Variants in RAB38 observed in about 807,000 individuals in gnomAD.
RAB38 encodes ras-related protein Rab-38.
In RAB38, 15 loss-of-function variants were observed where a neutral mutation model predicts 18.4. The observed-to-expected ratio is 0.82, with a 90% CI of 0.55 to 1.26. The LOEUF (loss-of-function observed/expected upper bound fraction) is 1.26. RAB38 is among the 50% of genes most tolerant of loss of function. RAB38 has a pLI of 0.00. For synonymous variants in RAB38, 101 were observed against 104.4 expected, an observed-to-expected ratio of 0.97 and a Z score of 0.20; for missense variants, 294 against 267.4, an observed-to-expected ratio of 1.10 and a Z score of -0.69.
At chr11:87,954,002 G>T in the RAB38 span, among the ~76,000 whole-genome samples, 1 of 152,124 alleles carries the variant, frequency 6.6e-6, no homozygotes, top group Middle Eastern at 3.2e-3. Context: ...AGGAGGAAAT[G>T]ATATGAGCAA....
chr11:87,818,483 T>A, the RAB38 span, among the ~76,000 whole-genome samples: 1 of 152,092 alleles, frequency 6.6e-6, no homozygotes, highest in African/African-American at 2.4e-5. Context: ...GTAAGTACCC[T>A]GAAGTTACAT....
chr11:88,166,222 T>C (rs556389157), intron 1 of RAB38: 1 of 152,164 alleles, frequency 6.6e-6, no homozygotes, highest in Non-Finnish European at 1.5e-5. Context: ...AAAATGATAT[T>C]AGAAATGCTA....
chr11:88,078,856 A>T, the RAB38 span, among the ~76,000 whole-genome samples: 6 of 152,106 alleles, frequency 3.9e-5, no homozygotes, highest in East Asian at 5.8e-4. Flanking sequence ...TGTATATTTT[A>T]AAATAGCCAG....
chr11:88,120,278 G>T (rs887012307), intron 2 of RAB38, among the ~76,000 whole-genome samples: 5 of 152,180 alleles, frequency 3.3e-5, no homozygotes, highest in African/African-American at 1.2e-4. Flanking sequence ...TGTGTGCAAG[G>T]TCTCAGGGAT....
chr11:88,051,139 C>A, the RAB38 span, among the ~76,000 whole-genome samples: 1 of 152,068 alleles, frequency 6.6e-6, no homozygotes, highest in African/African-American at 2.4e-5. Flanking sequence ...CTCTTAATTT[C>A]TGTACCCAAG....
chr11:87,826,686 A>G, the RAB38 span, among the ~76,000 whole-genome samples: 37 of 152,148 alleles, frequency 2.4e-4, no homozygotes, highest in African/African-American at 8.9e-4. Flanking sequence ...ATAAATCTCA[A>G]TTATACAGAG....
At position 88,175,173 on chromosome 11, in the gene RAB38, C is replaced by T. The variant is rs74772715; in HGVS notation, c.202+10G>A. ...GCTCTATCCCCCTGACCCCCTCCCC[C>T]CGCGCTCACCTGCGATATCCCAGAG... is the stretch of plus-strand genomic sequence containing the variant. On this transcript the variant is annotated intron_variant, in intron 1 of 2. Coordinates refer to ENST00000243662, the MANE Select transcript of RAB38 (RefSeq NM_022337.3). The T allele has an allele frequency of 3.8e-6, 6 of 1,587,828 alleles. No homozygotes were observed. Among genetic ancestry groups the T allele is most frequent in the South Asian group, 1.1e-5 (1 of 87,928 alleles).
chr11:88,040,226 AGATC>A, the RAB38 span, among the ~76,000 whole-genome samples: 2 of 152,198 alleles, frequency 1.3e-5, no homozygotes. Context: ...TAGAAGTTAG[AGATC>A]AGAGTATCAA....
At chr11:88,057,035 C>T in the RAB38 span, among the ~76,000 whole-genome samples, 1 of 152,134 alleles carries the variant, frequency 6.6e-6, no homozygotes, top group African/African-American at 2.4e-5. Flanking sequence ...ACAAGACTGA[C>T]CTGATCCCTT....
intron 2 of RAB38, among the ~76,000 whole-genome samples, chr11:88,124,177 A>T (rs1942663691): frequency 6.6e-6 from 1 of 152,092 alleles, no homozygotes; most frequent in Admixed American, 6.6e-5. Context: ...TGGATTGTCA[A>T]TGATACTAGG....
chr11:87,930,745 A>C, the RAB38 span, among the ~76,000 whole-genome samples: 1 of 152,156 alleles, frequency 6.6e-6, no homozygotes, highest in African/African-American at 2.4e-5. Context: ...TTTTTGTACA[A>C]GGTATAAGGA....
At chr11:88,104,010 G>C in the RAB38 span, among the ~76,000 whole-genome samples, 924 of 152,224 alleles carry the variant, frequency 6.1e-3, 10 homozygotes, top group African/African-American at 0.021. Flanking sequence ...TTCCCAGAGA[G>C]TGGTTTCCTG....
chr11:88,046,880 C>T, the RAB38 span, among the ~76,000 whole-genome samples: 2 of 152,286 alleles, frequency 1.3e-5, no homozygotes, highest in South Asian at 2.1e-4. Context: ...ACTGCCCTCA[C>T]CCTAGCTCTC....
chr11:87,941,245 A>G, the RAB38 span, among the ~76,000 whole-genome samples: 2 of 134,512 alleles, frequency 1.5e-5, no homozygotes, highest in East Asian at 4.7e-4. Context: ...ATATATATAT[A>G]TGTAACTTCT....
At chr11:87,935,048 G>C in the RAB38 span, among the ~76,000 whole-genome samples, 4 of 152,072 alleles carry the variant, frequency 2.6e-5, no homozygotes, top group African/African-American at 9.7e-5. Context: ...ACTTCGGGAA[G>C]GGCGGGTCTC....
intron 2 of RAB38, among the ~76,000 whole-genome samples, chr11:88,133,652 A>T (rs577339908): frequency 6.6e-6 from 1 of 152,290 alleles, no homozygotes; most frequent in East Asian, 1.9e-4. Flanking sequence ...TAATTTTTAG[A>T]CCCACCAACT....
chr11:87,830,195 A>G, the RAB38 span, among the ~76,000 whole-genome samples: 1 of 152,142 alleles, frequency 6.6e-6, no homozygotes, highest in Admixed American at 6.6e-5. Flanking sequence ...AAAAACTAAC[A>G]ATCGGCCAGG....
chr11:87,842,585 T>C, the RAB38 span, among the ~76,000 whole-genome samples: 1 of 152,320 alleles, frequency 6.6e-6, no homozygotes, highest in Admixed American at 6.5e-5. Context: ...CCGGAATCTC[T>C]AATGATCTGT....
the RAB38 span, among the ~76,000 whole-genome samples, chr11:87,902,417 G>A: frequency 6.6e-5 from 10 of 151,488 alleles, no homozygotes; most frequent in African/African-American, 2.4e-4. Context: ...ACTGTATGTG[G>A]GGGGTCTATT....
Sources: gnomAD v4.1 joint callset for allele counts (sites outside exome capture counted in the v4.1 genomes callset) on GRCh38, gnomAD v4.1.1 for gene constraint, MANE v1.5 for transcripts, NCBI Gene and HGNC (gene_info 2026-07-23, HGNC 2026-07-21) for gene names.